Variants in EYS observed in about 807,000 individuals in gnomAD.
EYS encodes the protein protein eyes shut homolog.
In EYS, 250 loss-of-function variants were observed where a neutral mutation model predicts 282.1. That is an observed-to-expected ratio of 0.89 (90% CI 0.80 to 0.98). EYS has a LOEUF of 0.98. Ranked by LOEUF, EYS falls within the 50% of genes least tolerant of loss-of-function variation. The pLI is 0.00. For synonymous variants in EYS, 1,355 were observed against 1,282.9 expected (o/e 1.06, Z -1.20); for missense variants, 4,016 against 3,709.0 (o/e 1.08, Z -2.15).
At chr6:64,863,453 C>CAT (rs1175632419) in intron 19 of EYS, among the ~76,000 whole-genome samples, 1 of 152,140 alleles carries the variant, frequency 6.6e-6, no homozygotes, top group Non-Finnish European at 1.5e-5. Context: ...ATATAGATCA[C>CAT]ACTTTTTTTC....
At chr6:64,355,263 G>C (rs533622375) in intron 29 of EYS, among the ~76,000 whole-genome samples, 58 of 151,672 alleles carry the variant, frequency 3.8e-4, no homozygotes, top group Non-Finnish European at 7.5e-4. Flanking sequence ...CTTGGAGTTT[G>C]GAGTCAGCTG....
At chr6:63,794,742 C>A (rs574781573) in intron 37 of EYS, among the ~76,000 whole-genome samples, 3 of 152,306 alleles carry the variant, frequency 2.0e-5, no homozygotes, top group Admixed American at 1.3e-4. Context: ...AGGTGATAAT[C>A]CACATTTGTA....
chr6:64,168,493 A>G (rs984662806), intron 31 of EYS, among the ~76,000 whole-genome samples: 11 of 152,230 alleles, frequency 7.2e-5, no homozygotes, highest in African/African-American at 1.2e-4. Flanking sequence ...AGACCTGTAT[A>G]TATTTTTCAT....
At chr6:64,950,786 C>CAT (rs1212190228) in intron 14 of EYS, among the ~76,000 whole-genome samples, 1 of 84,870 alleles carries the variant, frequency 1.2e-5, no homozygotes, top group Non-Finnish European at 2.1e-5. Flanking sequence ...AATATATACA[C>CAT]ATATACATAT....
chr6:63,743,035 T>C (rs953162285), intron 41 of EYS, among the ~76,000 whole-genome samples: 2 of 152,202 alleles, frequency 1.3e-5, no homozygotes, highest in Admixed American at 1.3e-4. Flanking sequence ...TTTTGTTTTA[T>C]AAGAAACTGC....
intron 22 of EYS, among the ~76,000 whole-genome samples, chr6:64,807,861 A>G (rs1160511435): frequency 6.6e-6 from 1 of 152,098 alleles, no homozygotes; most frequent in Non-Finnish European, 1.5e-5. Context: ...TCAGTATGCA[A>G]AACATACTGC....
At chr6:64,178,731 A>C (rs1764704372) in intron 31 of EYS, among the ~76,000 whole-genome samples, 1 of 152,008 alleles carries the variant, frequency 6.6e-6, no homozygotes, top group South Asian at 2.1e-4. Flanking sequence ...CTTTAAACGC[A>C]GTGAAATAAA....
chr6:65,092,581 C>T (rs1347747152), intron 12 of EYS, among the ~76,000 whole-genome samples: 3 of 152,256 alleles, frequency 2.0e-5, no homozygotes, highest in South Asian at 4.2e-4. Context: ...AACTGTTTAG[C>T]TCTTTAATTA....
chr6:65,426,900 G>A (rs1007795421), intron 5 of EYS, among the ~76,000 whole-genome samples: 1 of 151,900 alleles, frequency 6.6e-6, no homozygotes, highest in Non-Finnish European at 1.5e-5. Context: ...AAATGTTGTG[G>A]CTTGATTTAA....
intron 2 of EYS, among the ~76,000 whole-genome samples, chr6:65,514,413 T>G (rs548617608): frequency 6.6e-6 from 1 of 151,848 alleles, no homozygotes; most frequent in South Asian, 2.1e-4. Flanking sequence ...TACCAATGAC[T>G]TTTTTCACAG....
rs1391025848 is a variant in EYS at position 64,590,965 on chromosome 6, CT to C, written c.4901del (p.Lys1634ArgfsTer45). 6.4e-7 allele frequency: 1 copy of C among 1,550,990 alleles called. No individual in the cohort carries two copies. Among genetic ancestry groups the C allele is most frequent in the African/African-American group, 1.4e-5 (1 of 72,998 alleles). On this transcript the variant is annotated frameshift_variant, in exon 26 of 43. Transcript: ENST00000503581. LOFTEE classifies it high-confidence loss of function. ...AGGATAAAATTGTTCTTTTTGCACT[CT>C]TTTTAGAAGGAAATAAAGATGGCAC... is the stretch of plus-strand genomic sequence containing the variant. ...TEVPSLFPSK[K>X]SAKRTILSSS...
chr6:65,542,969 AT>A (rs1008473927), intron 2 of EYS, among the ~76,000 whole-genome samples: 1 of 152,156 alleles, frequency 6.6e-6, no homozygotes, highest in African/African-American at 2.4e-5. Context: ...GAAAAATTAA[AT>A]TAGACAATTA....
chr6:64,273,905 T>A (rs1768023520), intron 30 of EYS, among the ~76,000 whole-genome samples: 1 of 152,186 alleles, frequency 6.6e-6, no homozygotes. Context: ...TAAGTGTATT[T>A]CCTTGTATGT....
Position 64,259,525 on chromosome 6 carries a change from C to A in EYS, c.6192-28701G>T, listed in dbSNP as rs115084530. On this transcript the variant is annotated intron_variant, in intron 30 of 42. Transcript: ENST00000503581. Reference sequence around the variant, plus strand: ...TGTAATCTTGGAAGGAGATCCTGCCCCTCCGTCCCAGTCTCTGAGAGGGCA... The same window carrying A: ...TGTAATCTTGGAAGGAGATCCTGCCACTCCGTCCCAGTCTCTGAGAGGGCA... Among the ~76,000 whole-genome samples the A allele has an allele frequency of 2.2e-3, 332 of 151,964 alleles. 1 individual carries two copies. Among genetic ancestry groups the A allele is most frequent in the African/African-American group, 7.6e-3 (314 of 41,490 alleles).
At chr6:65,615,674 C>T (rs1382646327) in intron 2 of EYS, among the ~76,000 whole-genome samples, 1 of 152,066 alleles carries the variant, frequency 6.6e-6, no homozygotes, top group Admixed American at 6.6e-5. Flanking sequence ...GTGGCTCACG[C>T]CTGTAATCCC....
At chr6:65,297,061 T>C (rs2150287116) in intron 11 of EYS, among the ~76,000 whole-genome samples, 1 of 151,728 alleles carries the variant, frequency 6.6e-6, no homozygotes, top group East Asian at 1.9e-4. Flanking sequence ...TTTTCTTGGG[T>C]TCCTCTATAT....
At chr6:65,055,420 TC>T (rs1773383066) in intron 13 of EYS, among the ~76,000 whole-genome samples, 2 of 152,052 alleles carry the variant, frequency 1.3e-5, no homozygotes. Flanking sequence ...ATAACAAGTT[TC>T]CCCTGTATTA....
At chr6:64,795,571 A>G (rs2150003850) in intron 22 of EYS, among the ~76,000 whole-genome samples, 1 of 152,344 alleles carries the variant, frequency 6.6e-6, no homozygotes, top group East Asian at 1.9e-4. Flanking sequence ...CTTCATGATT[A>G]ATCTCTGCAT....
At chr6:64,736,447 G>C (rs1206771762) in intron 22 of EYS, among the ~76,000 whole-genome samples, 1 of 152,118 alleles carries the variant, frequency 6.6e-6, no homozygotes, top group East Asian at 1.9e-4. Flanking sequence ...TCTTAAAACA[G>C]TCTTTACTCT....
Sources: allele counts gnomAD v4.1 joint callset (sites outside exome capture counted in the v4.1 genomes callset), GRCh38; gene constraint gnomAD v4.1.1; transcripts MANE v1.5; gene names NCBI Gene and HGNC (gene_info 2026-07-23, HGNC 2026-07-21).